The following MAGT1 variants were observed in gnomAD, a reference collection of about 807,000 sequenced individuals.
MAGT1 encodes magnesium transporter 1, also known as dolichyl-diphosphooligosaccharide--protein glycosyltransferase subunit MAGT1.
A neutral mutation model predicts 28.4 loss-of-function variants in MAGT1; 4 were observed. That is an observed-to-expected ratio of 0.14 (90% CI 0.07 to 0.32). The LOEUF is 0.32. Among genes scored for constraint, MAGT1 ranks in the 10% least tolerant of loss-of-function variants. The probability of loss-of-function intolerance (pLI) is 1.00; values close to 1 mark genes in which losing one functional copy is unlikely to be tolerated. For missense variants in MAGT1, 193 were observed against 264.5 expected, an observed-to-expected ratio of 0.73 and a Z score of 1.88; for synonymous variants, 89 against 89.7, an observed-to-expected ratio of 0.99 and a Z score of 0.04.
At position 77,855,550 on chromosome X, in the gene MAGT1, T is replaced by C; in HGVS notation, c.713A>G (p.His238Arg). 3 of 1,208,376 alleles carry C rather than the reference T, an allele frequency of 2.5e-6. No homozygotes were observed. Among genetic ancestry groups the C allele is most frequent in the Non-Finnish European group, 3.4e-6 (3 of 892,745 alleles). ...ATGGGCATATGGTGGTCCTCTTATA[T>C]GGTTCCACATTTGACCAGATGTCAT... The part of the protein sequence containing the change: ...LAMTSGQMWN[H>R]IRGPPYAHKN... Residue 238 changes from histidine to arginine, a missense_variant, in exon 6 of 10, where the codon CAT (histidine) becomes CGT (arginine). Transcript: ENST00000618282.
In MAGT1 at chrX:77,856,982, C is replaced by A; in HGVS notation, c.532-109G>T. On this transcript the variant is annotated intron_variant, in intron 4 of 9. Coordinates refer to ENST00000618282, the MANE Select transcript of MAGT1 (RefSeq NM_001367916.1). ...CAATCAAAATTATTGTGGTTACTTT[C>A]GGAAAAATGATCCTTTTTATGTTAT... 5.6e-6 allele frequency: 4 copies of A among 718,308 alleles called. No individual in the cohort carries two copies. In the Admixed American group the frequency reaches 8.5e-5, roughly 15 times the overall value. The allele number at this position is 718,308 out of a possible 1,213,427, so 59.2% of individuals were successfully genotyped here. A position where few individuals can be genotyped will look rare whatever the true frequency, so the allele number is the denominator to read the frequency against.
At chrX:77,885,034 C>G (rs2077063584) in intron 1 of MAGT1, among the ~76,000 whole-genome samples, 1 of 102,241 alleles carries the variant, frequency 9.8e-6, no homozygotes, top group South Asian at 4.7e-4. Context: ...TGCACTTCAG[C>G]CTGGGTGACA....
At chrX:77,864,033 G>T (rs1449690411) in intron 3 of MAGT1, among the ~76,000 whole-genome samples, 2 of 110,742 alleles carry the variant, frequency 1.8e-5, no homozygotes, top group Non-Finnish European at 3.8e-5. Context: ...AAAAAAAAAT[G>T]TGGTGTGTAT....
chrX:77,848,065 G>A (rs1309486493), intron 7 of MAGT1, among the ~76,000 whole-genome samples: 8 of 111,956 alleles, frequency 7.1e-5, no homozygotes, highest in Non-Finnish European at 1.3e-4. Flanking sequence ...GGTCTTTTGT[G>A]TACTCTTCTT....
At chrX:77,845,352 T>C (rs1270579823) in intron 7 of MAGT1, among the ~76,000 whole-genome samples, 2 of 111,450 alleles carry the variant, frequency 1.8e-5, no homozygotes, top group Non-Finnish European at 3.8e-5. Context: ...GTGAGATGGG[T>C]CTCCTGAATA....
intron 7 of MAGT1, among the ~76,000 whole-genome samples, chrX:77,841,851 ATTTTTT>A (rs34014897): frequency 6.2e-5 from 5 of 80,049 alleles, no homozygotes; most frequent in Non-Finnish European, 1.2e-4. Context: ...AAATTCTGTA[ATTTTTT>A]TTTTTTTTTT....
chrX:77,880,442 T>A (rs1557218302), intron 1 of MAGT1, among the ~76,000 whole-genome samples: 1 of 108,993 alleles, frequency 9.2e-6, no homozygotes, highest in Non-Finnish European at 1.9e-5. Flanking sequence ...GGCAGGAGAA[T>A]TGCTTGAACC....
At chrX:77,844,837 T>C (rs2076946360) in intron 7 of MAGT1, among the ~76,000 whole-genome samples, 1 of 111,540 alleles carries the variant, frequency 9.0e-6, no homozygotes, top group African/African-American at 3.3e-5. Context: ...GTTCTTTTAC[T>C]TTTGCTGAGG....
Position 77,895,394 on chromosome X carries a change from C to A in MAGT1, c.17G>T (p.Arg6Leu). Residue 6 changes from arginine (R) to leucine (L), a missense_variant, in exon 1 of 10, where the codon CGG becomes CTG. Arg to Leu is a moderately radical substitution (Grantham distance 102). Coordinates refer to ENST00000618282, the MANE Select transcript of MAGT1 (RefSeq NM_001367916.1). ...CATGGTCACAGAGACACACCAAAACCGCCAACGCGCTGCCATGTTCGCTCC... is the reference window on the plus strand; with the variant it reads ...CATGGTCACAGAGACACACCAAAACAGCCAACGCGCTGCCATGTTCGCTCC... MAARW[R>L]FWCVSVTMVV... 8.3e-7 allele frequency: 1 copy of A among 1,211,960 alleles called. No homozygotes were observed. Among genetic ancestry groups the A allele is most frequent in the South Asian group, 1.8e-5 (1 of 56,969 alleles).
chrX:77,844,686 T>G (rs1557214726), intron 7 of MAGT1, among the ~76,000 whole-genome samples: 1 of 111,890 alleles, frequency 8.9e-6, no homozygotes, highest in East Asian at 2.8e-4. Flanking sequence ...TATTTCTGCC[T>G]TCATTTTGTT....
At chrX:77,860,399 T>C (rs1366517397) in intron 3 of MAGT1, among the ~76,000 whole-genome samples, 1 of 111,658 alleles carries the variant, frequency 9.0e-6, no homozygotes, top group East Asian at 2.8e-4. Flanking sequence ...GAAAACATCT[T>C]GTAGCCCAAC....
At chrX:77,832,681 A>C in intron 8 of MAGT1, among the ~76,000 whole-genome samples, 1 of 109,661 alleles carries the variant, frequency 9.1e-6, no homozygotes, top group Non-Finnish European at 1.9e-5. Context: ...ACTACAAAAA[A>C]AATTAGCCAG....
chrX:77,885,011 G>A (rs782743924), intron 1 of MAGT1, among the ~76,000 whole-genome samples: 13 of 102,574 alleles, frequency 1.3e-4, no homozygotes, highest in Non-Finnish European at 2.4e-4. Context: ...GCAGAGAGCC[G>A]AGATCATGCC....
At chrX:77,859,324 C>A (rs1261912315) in intron 3 of MAGT1, among the ~76,000 whole-genome samples, 2 of 112,180 alleles carry the variant, frequency 1.8e-5, no homozygotes, top group Non-Finnish European at 3.8e-5. Flanking sequence ...TTCTGGCAGC[C>A]ACAGTTACCA....
chrX:77,860,826 T>G (rs1374928617), intron 3 of MAGT1, among the ~76,000 whole-genome samples: 1 of 110,107 alleles, frequency 9.1e-6, no homozygotes, highest in African/African-American at 3.3e-5. Flanking sequence ...CAACAAAAAT[T>G]TGGAATATAT....
At chrX:77,887,870 C>T (rs1009400186) in intron 1 of MAGT1, among the ~76,000 whole-genome samples, 7 of 112,109 alleles carry the variant, frequency 6.2e-5, no homozygotes, top group Non-Finnish European at 1.1e-4. Flanking sequence ...TGCAGTGGCA[C>T]GATCTTGGCT....
At chrX:77,835,376 T>G (rs1557213824) in intron 8 of MAGT1, among the ~76,000 whole-genome samples, 4 of 111,574 alleles carry the variant, frequency 3.6e-5, no homozygotes, top group African/African-American at 3.3e-5. Flanking sequence ...CAATGAGATA[T>G]CTATCATCTC....
At chrX:77,848,789 G>A (rs2076958986) in intron 7 of MAGT1, among the ~76,000 whole-genome samples, 1 of 111,158 alleles carries the variant, frequency 9.0e-6, no homozygotes, top group Non-Finnish European at 1.9e-5. Context: ...AAGGTACGAG[G>A]ATTGTTTGAG....
Position 77,855,510 on chromosome X carries a change from C to T in MAGT1, c.753G>A (p.Thr251=), listed in dbSNP as rs374493047. The change falls in exon 6 of 10, where the codon ACG becomes ACA. Residue 251 remains threonine (T), a synonymous_variant. Coordinates refer to ENST00000618282, the MANE Select transcript of MAGT1 (RefSeq NM_001367916.1). ...CCCAGACTTCCCTTACCACATGTCCCGTGTGGGGATTCTTATGGGCATATG... is the reference window on the plus strand; with the variant it reads ...CCCAGACTTCCCTTACCACATGTCCTGTGTGGGGATTCTTATGGGCATATG... The part of the protein sequence containing the change: ...GPPYAHKNPH[T]GHVNYIHGSS... The T allele has an allele frequency of 9.2e-6, 11 of 1,197,849 alleles. No homozygotes were observed. In the African/African-American group the frequency reaches 1.4e-4, roughly 15 times the overall value.
Sources: gnomAD v4.1 joint callset for allele counts (sites outside exome capture counted in the v4.1 genomes callset) on GRCh38, gnomAD v4.1.1 for gene constraint, MANE v1.5 for transcripts, NCBI Gene and HGNC (gene_info 2026-07-23, HGNC 2026-07-21) for gene names.